The following CHODL variants were observed in gnomAD, a reference collection of about 807,000 sequenced individuals.
CHODL encodes the protein transmembrane protein MT75.
In CHODL, 29 loss-of-function variants were observed where a neutral mutation model predicts 34.5. That is an observed-to-expected ratio of 0.84 (90% CI 0.63 to 1.15). The LOEUF (loss-of-function observed/expected upper bound fraction) is 1.15. CHODL is among the 50% of genes most tolerant of loss of function. CHODL has a pLI of 0.00. For missense variants in CHODL, 332 were observed against 332.5 expected (o/e 1.00, Z 0.01); for synonymous variants, 125 against 116.1 (o/e 1.08, Z -0.49).
chr21:17,928,627 A>G (rs2063247055), intron 1 of CHODL, among the ~76,000 whole-genome samples: 1 of 151,352 alleles, frequency 6.6e-6, no homozygotes, highest in Non-Finnish European at 1.5e-5. Flanking sequence ...AATTGAATCT[A>G]AAAAAAAAGA....
chr21:18,194,732 T>A (rs2073561959), intron 2 of CHODL, among the ~76,000 whole-genome samples: 1 of 152,162 alleles, frequency 6.6e-6, no homozygotes, highest in South Asian at 2.1e-4. Context: ...GACATATCTA[T>A]CACCTTACAT....
chr21:18,227,509 GA>G (rs1176481621), intron 2 of CHODL, among the ~76,000 whole-genome samples: 2 of 152,070 alleles, frequency 1.3e-5, no homozygotes, highest in Non-Finnish European at 1.5e-5. Flanking sequence ...CTCATATGAA[GA>G]AGACAAACAT....
chr21:17,992,037 C>T (rs1005521604), intron 1 of CHODL, among the ~76,000 whole-genome samples: 1 of 152,140 alleles, frequency 6.6e-6, no homozygotes, highest in African/African-American at 2.4e-5. Flanking sequence ...CATTCCTCTG[C>T]ATATTGATAT....
At chr21:17,999,359 C>T (rs778597454) in intron 1 of CHODL, among the ~76,000 whole-genome samples, 1 of 152,236 alleles carries the variant, frequency 6.6e-6, no homozygotes, top group East Asian at 1.9e-4. Context: ...CTTCTCAGCT[C>T]TCCAAACTGT....
intron 1 of CHODL, among the ~76,000 whole-genome samples, chr21:17,971,251 T>A (rs1010454416): frequency 1.3e-5 from 2 of 152,196 alleles, no homozygotes; most frequent in Admixed American, 6.5e-5. Flanking sequence ...GTATACCCAG[T>A]AATGGGATTG....
chr21:18,147,435 A>G (rs1344274612), intron 2 of CHODL, among the ~76,000 whole-genome samples: 1 of 152,198 alleles, frequency 6.6e-6, no homozygotes, highest in Non-Finnish European at 1.5e-5. Context: ...TCTCTGTCAA[A>G]CAGCTGCCTA....
chr21:18,024,372 C>T (rs562289348), intron 1 of CHODL, among the ~76,000 whole-genome samples: 13 of 152,010 alleles, frequency 8.6e-5, no homozygotes, highest in African/African-American at 2.9e-4. Flanking sequence ...TAGGGCAGGG[C>T]GCAAGTCCTG....
chr21:17,932,925 G>A (rs2063286679), intron 1 of CHODL, among the ~76,000 whole-genome samples: 2 of 152,162 alleles, frequency 1.3e-5, no homozygotes, highest in East Asian at 1.9e-4. Context: ...TCGGAGAGGG[G>A]GATGTGGCAG....
At chr21:18,102,711 C>G (rs1400040229) in intron 2 of CHODL, among the ~76,000 whole-genome samples, 1 of 152,056 alleles carries the variant, frequency 6.6e-6, no homozygotes, top group African/African-American at 2.4e-5. Context: ...AGTTTTTAGG[C>G]AAGTATGGCC....
chr21:18,194,442 A>G (rs1473909093), intron 2 of CHODL, among the ~76,000 whole-genome samples: 1 of 152,038 alleles, frequency 6.6e-6, no homozygotes, highest in Non-Finnish European at 1.5e-5. Context: ...CCTTTGCACT[A>G]GCTGGTTCAT....
intron 1 of CHODL, among the ~76,000 whole-genome samples, chr21:17,985,247 A>G (rs899202122): frequency 6.6e-6 from 1 of 152,144 alleles, no homozygotes. Flanking sequence ...CTCGTCCCAT[A>G]AACTTAGCTT....
intron 1 of CHODL, among the ~76,000 whole-genome samples, chr21:17,927,520 G>A (rs7278782): frequency 0.41 from 61,596 of 151,952 alleles, 12,517 homozygotes; most frequent in South Asian, 0.49. Flanking sequence ...ACAGGAGAAG[G>A]CTGGAAGATT....
chr21:18,081,671 A>C (rs956399891), intron 2 of CHODL, among the ~76,000 whole-genome samples: 14 of 151,428 alleles, frequency 9.2e-5, no homozygotes, highest in African/African-American at 3.4e-4. Context: ...AGAAGAGAGA[A>C]ACTCCATCTC....
In CHODL at chr21:18,216,685, C is replaced by T. The variant is rs751868732; in HGVS notation, c.-44-39824C>T. ...TTATAAAGGAAAGAGGTTTAATTGA[C>T]TCACAGTTCCACATGGCTGGGGAGG... On this transcript the variant is annotated intron_variant, in intron 2 of 6. Coordinates refer to the CHODL transcript ENST00000400127. Among the ~76,000 whole-genome samples, 4 of 152,126 alleles carry T rather than the reference C, an allele frequency of 2.6e-5. No homozygotes were observed. In the South Asian group the frequency reaches 8.3e-4, roughly 31 times the overall value.
chr21:18,256,450 GTGT>G, intron 1 of CHODL, 56 bp from the exon 2 acceptor site: 1 of 1,437,636 alleles, frequency 7.0e-7, no homozygotes, highest in Non-Finnish European at 9.4e-7. Context: ...TTGATTCTTA[GTGT>G]TGTTACAAAT....
In CHODL at chr21:18,260,876, A is replaced by G. The variant is rs115600363; in HGVS notation, c.634+590A>G. ...AAAACACCACCAACAACAACAAAAGAACTTTGGATCTACAAGAAATTTCTC... is the reference window on the plus strand; with the variant it reads ...AAAACACCACCAACAACAACAAAAGGACTTTGGATCTACAAGAAATTTCTC... On this transcript the variant is annotated intron_variant, in intron 4 of 5. Transcript: ENST00000299295. 4.5e-3 allele frequency among the ~76,000 whole-genome samples: 678 copies of G among 152,238 alleles called. 9 individuals are homozygous for G. The highest frequency in any genetic ancestry group is 0.016 in the African/African-American group (652 of 41,538).
intron 2 of CHODL, among the ~76,000 whole-genome samples, chr21:18,183,666 A>G (rs377459905): frequency 2.6e-5 from 4 of 152,336 alleles, no homozygotes. Context: ...GGATTTGCAG[A>G]TAGATTTGTG....
chr21:17,939,708 T>C (rs565921332), intron 1 of CHODL, among the ~76,000 whole-genome samples: 1 of 152,294 alleles, frequency 6.6e-6, no homozygotes, highest in Admixed American at 6.5e-5. Context: ...ACTCCTCACA[T>C]TGTCCGTGAA....
At chr21:18,214,504 A>G (rs1439757903) in intron 2 of CHODL, among the ~76,000 whole-genome samples, 2 of 152,132 alleles carry the variant, frequency 1.3e-5, no homozygotes, top group Admixed American at 6.5e-5. Context: ...ATCTACACAT[A>G]TTATAAGCCT....
Sources: gnomAD v4.1 joint callset for allele counts (sites outside exome capture counted in the v4.1 genomes callset) on GRCh38, gnomAD v4.1.1 for gene constraint, MANE v1.5 for transcripts, NCBI Gene and HGNC (gene_info 2026-07-23, HGNC 2026-07-21) for gene names.